The following MCTP2 variants were observed in gnomAD, a reference collection of about 807,000 sequenced individuals.
The protein encoded by MCTP2 is multiple C2 and transmembrane domain-containing protein 2.
Under a neutral mutation model 111.6 loss-of-function variants are expected in MCTP2, and 132 were observed. The observed-to-expected ratio is 1.18, with a 90% CI of 1.03 to 1.37. MCTP2 has a LOEUF of 1.37. MCTP2 is among the 40% of genes most tolerant of loss of function. The pLI is 0.00. For synonymous variants in MCTP2, 395 were observed against 387.7 expected (o/e 1.02, Z -0.22); for missense variants, 1,183 against 1,067.9 (o/e 1.11, Z -1.50).
intron 17 of MCTP2, among the ~76,000 whole-genome samples, chr15:94,435,626 A>ATTTTTTTTTTTTTTTTTTTTTTT: frequency 7.6e-6 from 1 of 132,256 alleles, no homozygotes; most frequent in Non-Finnish European, 1.6e-5. Context: ...TACTTTTTTT[A>ATTTTTTTTTTTTTTTTTTTTTTT]TTCTTTTTTT....
At chr15:94,454,320 C>G (rs1376880324) in intron 19 of MCTP2, among the ~76,000 whole-genome samples, 1 of 152,114 alleles carries the variant, frequency 6.6e-6, no homozygotes. Context: ...CAGAAATGTA[C>G]TTGGTGTTGG....
chr15:94,403,189 A>G (rs1207058771), intron 17 of MCTP2: 1 of 985,270 alleles, frequency 1.0e-6, no homozygotes, highest in Non-Finnish European at 1.2e-6. Flanking sequence ...GACCTTTCCT[A>G]TACTTTTTCT....
intron 17 of MCTP2, among the ~76,000 whole-genome samples, chr15:94,408,858 G>GTAGA (rs1219666608): frequency 3.9e-5 from 6 of 152,292 alleles, no homozygotes; most frequent in Admixed American, 3.9e-4. Context: ...ACATAGCCTG[G>GTAGA]TAGATGTAAA....
intron 17 of MCTP2, among the ~76,000 whole-genome samples, chr15:94,415,055 C>T (rs2082312807): frequency 6.6e-6 from 1 of 151,998 alleles, no homozygotes; most frequent in Non-Finnish European, 1.5e-5. Flanking sequence ...ATGATACCTA[C>T]AGTAACACAG....
intron 1 of MCTP2, among the ~76,000 whole-genome samples, chr15:94,243,755 G>A (rs1296941228): frequency 4.2e-5 from 6 of 142,532 alleles, no homozygotes; most frequent in Non-Finnish European, 6.1e-5. Context: ...GTATACACAT[G>A]CATATGTGTA....
At chr15:94,402,351 C>A in intron 17 of MCTP2, 2 of 1,451,248 alleles carry the variant, frequency 1.4e-6, no homozygotes, top group South Asian at 3.0e-5. Context: ...TCTGAAAAAT[C>A]ACAGGACTAA....
chr15:94,462,118 A>G (rs1373854206), intron 20 of MCTP2, among the ~76,000 whole-genome samples: 2 of 152,220 alleles, frequency 1.3e-5, no homozygotes, highest in Non-Finnish European at 2.9e-5. Flanking sequence ...CCTTGGAAAC[A>G]AGGAAATAAT....
At chr15:94,367,400 T>G (rs1001293327) in intron 10 of MCTP2, among the ~76,000 whole-genome samples, 1 of 152,218 alleles carries the variant, frequency 6.6e-6, no homozygotes, top group South Asian at 2.1e-4. Context: ...TTTGATTTTC[T>G]GGACCTCTTC....
chr15:94,421,336 A>G (rs1446427329), intron 17 of MCTP2, among the ~76,000 whole-genome samples: 1 of 152,168 alleles, frequency 6.6e-6, no homozygotes, highest in African/African-American at 2.4e-5. Context: ...CCAAACTCAC[A>G]AGATCTCAGA....
intron 4 of MCTP2, among the ~76,000 whole-genome samples, chr15:94,335,468 C>G (rs2077317633): frequency 6.6e-6 from 1 of 152,152 alleles, no homozygotes; most frequent in African/African-American, 2.4e-5. Flanking sequence ...TAAACAAATT[C>G]TGACAAGACT....
chr15:94,449,496 A>T (rs962326200), intron 19 of MCTP2, among the ~76,000 whole-genome samples: 2 of 152,142 alleles, frequency 1.3e-5, no homozygotes. Context: ...TTATTGGTTC[A>T]TTTTTCTGCA....
Position 94,385,526 on chromosome 15 carries a change from G to T in MCTP2, c.1788+1G>T, listed in dbSNP as rs200626556. 1 of 1,595,930 alleles carries T rather than the reference G, an allele frequency of 6.3e-7. No homozygotes were observed. The highest frequency in any genetic ancestry group is 1.3e-5 in the African/African-American group (1 of 74,484). On this transcript the variant is annotated splice_donor_variant, in intron 14 of 22. Transcript: ENST00000357742. LOFTEE classifies it high-confidence loss of function. ...AAAAGTTGCCATTCCCTTGCTGTCC[G>T]TAAGTTTCCTTTATTAATAAACAAT... is the stretch of plus-strand genomic sequence containing the variant.
intron 20 of MCTP2, among the ~76,000 whole-genome samples, chr15:94,468,867 A>G (rs1170089910): frequency 1.3e-5 from 2 of 152,162 alleles, no homozygotes; most frequent in Non-Finnish European, 2.9e-5. Context: ...AGCTCAAGTG[A>G]TCTGCCCACC....
At chr15:94,345,244 A>C (rs1567481367) in intron 8 of MCTP2, 80 bp downstream of exon 8, 5 of 1,291,030 alleles carry the variant, frequency 3.9e-6, no homozygotes, top group Non-Finnish European at 5.5e-6. Flanking sequence ...TGCATGATAG[A>C]TATTACCCAA....
intron 10 of MCTP2, among the ~76,000 whole-genome samples, chr15:94,364,081 C>T (rs557052159): frequency 1.2e-4 from 17 of 147,816 alleles, no homozygotes; most frequent in African/African-American, 4.0e-4. Context: ...AAAAAAAAGA[C>T]GTGTAATTCA....
intron 5 of MCTP2, 23 bp from the exon 6 acceptor site, chr15:94,340,176 A>G: frequency 5.1e-6 from 8 of 1,554,354 alleles, no homozygotes; most frequent in South Asian, 1.1e-5. Context: ...TAATGTGTTA[A>G]TTGACCTCTG....
intron 4 of MCTP2, among the ~76,000 whole-genome samples, chr15:94,322,673 G>T (rs8033970): frequency 0.16 from 25,078 of 152,158 alleles, 5,447 homozygotes; most frequent in African/African-American, 0.49. Context: ...AACAAAGATG[G>T]TATAATCTCA....
intron 19 of MCTP2, among the ~76,000 whole-genome samples, chr15:94,446,480 A>T (rs1295075892): frequency 6.6e-6 from 1 of 152,234 alleles, no homozygotes; most frequent in Non-Finnish European, 1.5e-5. Flanking sequence ...CTACACAGTA[A>T]AGGTCAGTAA....
chr15:94,314,927 G>C (rs889271114), intron 3 of MCTP2: 4 of 361,962 alleles, frequency 1.1e-5, no homozygotes, highest in East Asian at 1.5e-4. Context: ...GAAAGAGAAG[G>C]GTGGAAAAGC....
Sources: allele counts gnomAD v4.1 joint callset (sites outside exome capture counted in the v4.1 genomes callset), GRCh38; gene constraint gnomAD v4.1.1; transcripts MANE v1.5; gene names NCBI Gene and HGNC (gene_info 2026-07-23, HGNC 2026-07-21).